The following RNF144A variants were observed in gnomAD, a reference collection of about 807,000 sequenced individuals.
The protein encoded by RNF144A is E3 ubiquitin-protein ligase RNF144A.
Under a neutral mutation model 38.7 loss-of-function variants are expected in RNF144A, and 11 were observed. The ratio of observed to expected loss-of-function variants is 0.28; its 90% confidence interval spans 0.18 to 0.47. The LOEUF is 0.47. Among genes scored for constraint, RNF144A ranks in the 20% least tolerant of loss-of-function variants. The pLI is 0.99. For synonymous variants in RNF144A, 149 were observed against 143.9 expected (o/e 1.04, Z -0.25); for missense variants, 316 against 377.2 (o/e 0.84, Z 1.34).
chr2:7,024,306 C>T (rs1309766418), intron 6 of RNF144A, 63 bp from the exon 7 acceptor site: 37 of 1,444,300 alleles, frequency 2.6e-5, no homozygotes, highest in Non-Finnish European at 3.3e-5. Flanking sequence ...CCAGCATAGC[C>T]AGTGCTCCTG....
intron 2 of RNF144A, among the ~76,000 whole-genome samples, chr2:6,968,840 C>T (rs1667828786): frequency 6.6e-6 from 1 of 152,226 alleles, no homozygotes; most frequent in African/African-American, 2.4e-5. Flanking sequence ...TCAGAGCCCA[C>T]GGTGTTCTCA....
At chr2:7,023,385 T>C (rs1671662429) in intron 6 of RNF144A, among the ~76,000 whole-genome samples, 1 of 152,166 alleles carries the variant, frequency 6.6e-6, no homozygotes, top group Admixed American at 6.5e-5. Flanking sequence ...CAGAATTTGC[T>C]CAACTGCCGT....
downstream of RNF144A, among the ~76,000 whole-genome samples, chr2:7,047,078 C>A (rs6707249): frequency 2.0e-5 from 3 of 152,066 alleles, no homozygotes; most frequent in Admixed American, 6.5e-5. Context: ...AGTTGGACTC[C>A]ATGTTCCTTT....
chr2:7,073,577 T>C, the RNF144A span, among the ~76,000 whole-genome samples: 2 of 152,200 alleles, frequency 1.3e-5, no homozygotes, highest in Non-Finnish European at 2.9e-5. Flanking sequence ...TGTCTGGCAA[T>C]CTTAGCCTAT....
intron 8 of RNF144A, among the ~76,000 whole-genome samples, chr2:7,037,244 G>T (rs1192959487): frequency 6.6e-6 from 1 of 152,162 alleles, no homozygotes; most frequent in East Asian, 1.9e-4. Context: ...CAATACGTTG[G>T]GTAACCCGGC....
chr2:6,977,216 C>G (rs1359709987), intron 2 of RNF144A, among the ~76,000 whole-genome samples: 3 of 152,236 alleles, frequency 2.0e-5, no homozygotes, highest in Non-Finnish European at 4.4e-5. Context: ...CCCTGTCGTT[C>G]TCCACATGAG....
intron 8 of RNF144A, 46 bp from the exon 9 acceptor site, chr2:7,039,583 A>G (rs370451850): frequency 7.6e-5 from 122 of 1,607,114 alleles, no homozygotes; most frequent in Non-Finnish European, 1.0e-4. Flanking sequence ...TCTGGAACCT[A>G]CAGACCAGCC....
At chr2:6,999,332 G>A (rs1476984098) in intron 3 of RNF144A, among the ~76,000 whole-genome samples, 4 of 152,196 alleles carry the variant, frequency 2.6e-5, no homozygotes, top group African/African-American at 9.7e-5. Flanking sequence ...TGCCCTGGTC[G>A]CTTTGGTGGC....
chr2:6,925,904 A>G (rs931014956), intron 1 of RNF144A, among the ~76,000 whole-genome samples: 15 of 152,186 alleles, frequency 9.9e-5, no homozygotes, highest in African/African-American at 3.4e-4. Context: ...ACATGCATCA[A>G]TACACACAAC....
chr2:7,075,290 C>CA, the RNF144A span, among the ~76,000 whole-genome samples: 26 of 151,802 alleles, frequency 1.7e-4, no homozygotes, highest in South Asian at 1.3e-3. Context: ...ATCCCCCCCC[C>CA]CACACAGTGT....
At chr2:7,024,770 T>G (rs576921107) in intron 7 of RNF144A, among the ~76,000 whole-genome samples, 1 of 152,346 alleles carries the variant, frequency 6.6e-6, no homozygotes, top group Non-Finnish European at 1.5e-5. Flanking sequence ...GCCTGGGATT[T>G]AAAGGGGTTT....
chr2:6,955,149 C>T (rs1666923047), intron 2 of RNF144A, among the ~76,000 whole-genome samples: 1 of 152,114 alleles, frequency 6.6e-6, no homozygotes, highest in Non-Finnish European at 1.5e-5. Context: ...TAAGGCAACA[C>T]TGTTGTGTGC....
intron 6 of RNF144A, among the ~76,000 whole-genome samples, chr2:7,057,635 C>G (rs1179360610): frequency 6.6e-6 from 1 of 152,192 alleles, no homozygotes; most frequent in Non-Finnish European, 1.5e-5. Flanking sequence ...ATTCACCTTT[C>G]ATGCAGGAGA....
chr2:7,006,147 C>T (rs576848476), intron 3 of RNF144A, among the ~76,000 whole-genome samples: 2 of 152,000 alleles, frequency 1.3e-5, no homozygotes, highest in Admixed American at 6.6e-5. Context: ...CCCAGAACCT[C>T]CATGAAGCAG....
chr2:7,018,367 G>C (rs999496343), intron 5 of RNF144A, among the ~76,000 whole-genome samples: 10 of 152,236 alleles, frequency 6.6e-5, no homozygotes, highest in African/African-American at 1.9e-4. Context: ...TCTCATCAGG[G>C]ACAAAGCTGG....
intron 5 of RNF144A, among the ~76,000 whole-genome samples, chr2:7,016,740 A>C (rs1441610469): frequency 6.6e-6 from 1 of 152,078 alleles, no homozygotes; most frequent in Admixed American, 6.5e-5. Context: ...TGGAGACAAG[A>C]TCAGAAAGCA....
chr2:7,063,335 T>G (rs1202280234), intron 6 of RNF144A, among the ~76,000 whole-genome samples: 1 of 152,184 alleles, frequency 6.6e-6, no homozygotes, highest in East Asian at 1.9e-4. Flanking sequence ...CTCCAGACCC[T>G]GGATGAATGT....
At chr2:6,984,172 G>A (rs938369949) in intron 2 of RNF144A, among the ~76,000 whole-genome samples, 2 of 152,082 alleles carry the variant, frequency 1.3e-5, no homozygotes, top group Non-Finnish European at 1.5e-5. Flanking sequence ...GTATCTTACC[G>A]ATTTATCTAT....
chr2:6,921,088 G>T (rs112904955), intron 1 of RNF144A, among the ~76,000 whole-genome samples: 4,845 of 152,318 alleles, frequency 0.032, 272 homozygotes, highest in Admixed American at 0.16. Context: ...TTTCCCAAGA[G>T]AAAATATTTT....
Sources: gnomAD v4.1 joint callset for allele counts (sites outside exome capture counted in the v4.1 genomes callset) on GRCh38, gnomAD v4.1.1 for gene constraint, MANE v1.5 for transcripts, NCBI Gene and HGNC (gene_info 2026-07-23, HGNC 2026-07-21) for gene names.